UBE2W: variants seen among roughly 807,000 people sequenced by gnomAD.
UBE2W encodes ubiquitin conjugating enzyme E2 W, also known as ubiquitin-conjugating enzyme E2 W.
Under a neutral mutation model 27.2 loss-of-function variants are expected in UBE2W, and 18 were observed. The ratio of observed to expected loss-of-function variants is 0.66; its 90% CI spans 0.46 to 0.98. UBE2W has a LOEUF of 0.98. Among genes scored for constraint, UBE2W ranks in the 50% least tolerant of loss-of-function variants. The probability of loss-of-function intolerance (pLI) is 0.00; values close to 1 mark genes in which losing one functional copy is unlikely to be tolerated. For synonymous variants in UBE2W, 53 were observed against 57.2 expected, an observed-to-expected ratio of 0.93 and a Z score of 0.33; for missense variants, 90 against 180.2, an observed-to-expected ratio of 0.50 and a Z score of 2.87.
chr8:73,822,958 G>A (rs1249668566), intron 3 of UBE2W, among the ~76,000 whole-genome samples: 2 of 152,138 alleles, frequency 1.3e-5, no homozygotes, highest in East Asian at 3.8e-4. Context: ...AATGTTCTTT[G>A]TTATTGGAAA....
chr8:73,820,221 A>T (rs1224917769), intron 3 of UBE2W, among the ~76,000 whole-genome samples: 1 of 152,214 alleles, frequency 6.6e-6, no homozygotes, highest in Non-Finnish European at 1.5e-5. Context: ...AGGGCAGTGG[A>T]TCTCTGCAAA....
chr8:73,784,111 C>T (rs915598474), downstream of UBE2W, among the ~76,000 whole-genome samples: 5 of 152,052 alleles, frequency 3.3e-5, no homozygotes, highest in Admixed American at 6.6e-5. Context: ...TTATCATACC[C>T]GGGTCTTTGC....
chr8:73,781,916 T>C (rs1012748105), downstream of UBE2W, among the ~76,000 whole-genome samples: 4 of 150,650 alleles, frequency 2.7e-5, no homozygotes, highest in Non-Finnish European at 5.9e-5. Flanking sequence ...CTGTCTTTAT[T>C]ACTAAAAGCC....
intron 1 of UBE2W, among the ~76,000 whole-genome samples, chr8:73,856,354 T>C (rs962222972): frequency 5.4e-5 from 7 of 128,898 alleles, no homozygotes; most frequent in African/African-American, 8.3e-5. Context: ...TATACACTTA[T>C]GAATTTTTTT....
intron 5 of UBE2W, among the ~76,000 whole-genome samples, chr8:73,797,303 G>A (rs1278594567): frequency 2.0e-5 from 3 of 152,096 alleles, no homozygotes; most frequent in Non-Finnish European, 4.4e-5. Flanking sequence ...GAAAAAAAAG[G>A]AACACAGTAA....
intron 1 of UBE2W, among the ~76,000 whole-genome samples, chr8:73,861,368 A>G (rs924429619): frequency 4.6e-5 from 7 of 152,178 alleles, no homozygotes; most frequent in Non-Finnish European, 7.4e-5. Flanking sequence ...AATGACCCCA[A>G]TGAAGGGCAA....
At chr8:73,818,418 A>C (rs1341387889) in intron 3 of UBE2W, among the ~76,000 whole-genome samples, 1 of 152,212 alleles carries the variant, frequency 6.6e-6, no homozygotes, top group African/African-American at 2.4e-5. Context: ...TATATGCCAC[A>C]CAACAGCCAG....
intron 3 of UBE2W, among the ~76,000 whole-genome samples, chr8:73,824,190 C>A (rs924244961): frequency 6.6e-6 from 1 of 152,188 alleles, no homozygotes; most frequent in Non-Finnish European, 1.5e-5. Flanking sequence ...AGCCAGAAAC[C>A]TGGAAGTCAT....
intron 5 of UBE2W, 137 bp downstream of exon 5, chr8:73,805,514 A>AT: frequency 3.4e-6 from 1 of 296,572 alleles, no homozygotes; most frequent in Non-Finnish European, 6.3e-6. Flanking sequence ...ATATTAGAAT[A>AT]TTTTAAAGAA....
rs189390304 is a variant in UBE2W, at chr8:73,815,423, A to G, written c.211-4794T>C. Among the ~76,000 whole-genome samples the G allele has an allele frequency of 6.8e-4, 104 of 152,322 alleles. No individual in the cohort carries two copies. In the East Asian group the frequency reaches 0.018, roughly 26 times the overall value. ...CCTCACTCAAAGTTGGTGTAGTCAG[A>G]GAAATAGCTCAATATTATAGCTACC... On this transcript the variant is annotated intron_variant, in intron 3 of 5. Transcript: ENST00000602593.
At chr8:73,848,184 CTG>C (rs1810900109) in intron 1 of UBE2W, among the ~76,000 whole-genome samples, 1 of 151,718 alleles carries the variant, frequency 6.6e-6, no homozygotes, top group South Asian at 2.1e-4. Context: ...CTGGGAAAAA[CTG>C]TGTCTCAAAA....
chr8:73,837,967 A>C (rs755170793), intron 1 of UBE2W, among the ~76,000 whole-genome samples: 15 of 152,336 alleles, frequency 9.8e-5, no homozygotes, highest in Non-Finnish European at 2.2e-4. Context: ...AAAGCCAGTC[A>C]GGTCCAGAAT....
intron 3 of UBE2W, among the ~76,000 whole-genome samples, chr8:73,817,087 AGGC>A (rs1335542527): frequency 6.6e-6 from 1 of 151,648 alleles, no homozygotes; most frequent in East Asian, 1.9e-4. Flanking sequence ...GAACTCTGGG[AGGC>A]TGAGGCGGGC....
rs530131597 is a variant in UBE2W, at chr8:73,791,997, G to A, written c.*2105C>T. On this transcript the variant is annotated 3_prime_UTR_variant, in exon 6 of 6. Transcript: ENST00000602593. ...ATTCCTTTGGTGAATAAATGTCACCGGTCATTTCTTTATAAAAGCATTTTG... is the reference window on the plus strand; with the variant it reads ...ATTCCTTTGGTGAATAAATGTCACCAGTCATTTCTTTATAAAAGCATTTTG... The A allele has an allele frequency of 1.0e-5, 10 of 984,890 alleles. No individual in the cohort carries two copies. The highest frequency in any genetic ancestry group is 2.3e-4 in the East Asian group (2 of 8,828). 61.0% of individuals were successfully genotyped at this position (984,890 alleles called of 1,614,324 possible).
At chr8:73,831,226 G>T in intron 1 of UBE2W, 1 of 375,358 alleles carries the variant, frequency 2.7e-6, no homozygotes, top group South Asian at 2.7e-5. Flanking sequence ...GACCTAGAAG[G>T]CATGAAAAGA....
chr8:73,822,633 A>AAAAAAAAAAC (rs1809668685), intron 3 of UBE2W, among the ~76,000 whole-genome samples: 1 of 142,474 alleles, frequency 7.0e-6, no homozygotes, highest in East Asian at 1.9e-4. Context: ...AAAAAAAAAA[A>AAAAAAAAAAC]ATTAGCTGGG....
intron 1 of UBE2W, among the ~76,000 whole-genome samples, chr8:73,840,458 A>C (rs1810494572): frequency 6.6e-6 from 1 of 152,252 alleles, no homozygotes; most frequent in Admixed American, 6.5e-5. Flanking sequence ...CAAAAAATTC[A>C]AATGATACTC....
chr8:73,792,794 T>C lies in UBE2W; in HGVS notation c.*1308A>G. 7.1e-6 allele frequency: 7 copies of C among 985,640 alleles called. No individual in the cohort carries two copies. Among genetic ancestry groups the C allele is most frequent in the Non-Finnish European group, 8.4e-6 (7 of 829,832 alleles). 61.1% of individuals were successfully genotyped at this position (985,640 alleles called of 1,614,324 possible). A position where few individuals can be genotyped will look rare whatever the true frequency, so the allele number is the denominator to read the frequency against. Reference sequence around the variant, plus strand: ...TGAGAACTGGACCTTTCAACAATTTTTTTTTTCTATAGAAAGTTTCATCTA... The same window carrying C: ...TGAGAACTGGACCTTTCAACAATTTCTTTTTTCTATAGAAAGTTTCATCTA... On this transcript the variant is annotated 3_prime_UTR_variant, in exon 6 of 6. Transcript: ENST00000602593.
Position 73,787,166 on chromosome 8 carries a change from A to G in UBE2W, c.*6936T>C. On this transcript the variant is annotated 3_prime_UTR_variant, in exon 6 of 6. Coordinates refer to ENST00000602593, the MANE Select transcript of UBE2W (RefSeq NM_018299.6). ...TTAAAAATAAATCTTACAGGCAACTAAAAAAATGGTTGAAAGGGGCTCCCA... is the reference window on the plus strand; with the variant it reads ...TTAAAAATAAATCTTACAGGCAACTGAAAAAATGGTTGAAAGGGGCTCCCA... The G allele has an allele frequency of 2.0e-6, 2 of 985,420 alleles. No homozygotes were observed. Among genetic ancestry groups the G allele is most frequent in the Non-Finnish European group, 2.4e-6 (2 of 829,922 alleles). The allele number at this position is 985,420 out of a possible 1,614,324, so 61.0% of individuals were successfully genotyped here.
Sources: allele counts gnomAD v4.1 joint callset (sites outside exome capture counted in the v4.1 genomes callset), GRCh38; gene constraint gnomAD v4.1.1; transcripts MANE v1.5; gene names NCBI Gene and HGNC (gene_info 2026-07-23, HGNC 2026-07-21).